Variants in PRRC2C observed in about 807,000 individuals in gnomAD.
PRRC2C encodes the protein protein PRRC2C.
A neutral mutation model predicts 317.2 loss-of-function variants in PRRC2C; 72 were observed. The ratio of observed to expected loss-of-function variants is 0.23; its 90% CI spans 0.19 to 0.28. The LOEUF is 0.28. Ranked by LOEUF, PRRC2C falls within the 10% of genes least tolerant of loss-of-function variation. The pLI, the probability that PRRC2C is intolerant of heterozygous loss-of-function variation, is 1.00. For synonymous variants in PRRC2C, 1,296 were observed against 1,205.9 expected, an observed-to-expected ratio of 1.07 and a Z score of -1.55; for missense variants, 3,074 against 3,459.7, an observed-to-expected ratio of 0.89 and a Z score of 2.80.
rs749958797 is a variant in PRRC2C at position 171,557,765 on chromosome 1, C to G, written c.5653C>G (p.Pro1885Ala). The G allele has an allele frequency of 6.4e-7, 1 of 1,550,970 alleles. No homozygotes were observed. ...AACGCCAGCCCCAGCAGCCTCTTCC[C>G]CAGCTGCCCCAGTCATCACAGCACC... Reference protein sequence around the residue: ...APTPAPAASSPAAPVITAPTI... With the variant: ...APTPAPAASSAAAPVITAPTI... The change falls in exon 19 of 35, where the codon CCA (proline) becomes GCA (alanine). Residue 1885 changes from proline to alanine, a missense_variant. By Grantham distance (27) the Pro-to-Ala change is conservative. This residue lies in a region of PRRC2C where 640 missense variants were observed against 676.1 expected (regional missense o/e 0.95). Coordinates refer to ENST00000647382, the MANE Select transcript of PRRC2C (RefSeq NM_001387844.1).
At chr1:171,524,532 G>A (rs1305596598) in intron 9 of PRRC2C, among the ~76,000 whole-genome samples, 2 of 152,022 alleles carry the variant, frequency 1.3e-5, no homozygotes, top group East Asian at 3.9e-4. Flanking sequence ...AGTTACATTT[G>A]GATTGTATTT....
At chr1:171,578,027 C>T (rs1259252450) in intron 26 of PRRC2C, among the ~76,000 whole-genome samples, 2 of 148,106 alleles carry the variant, frequency 1.4e-5, no homozygotes, top group Non-Finnish European at 3.0e-5. Flanking sequence ...AACTCCTGAG[C>T]TCAAGTGATC....
At chr1:171,491,525 A>G (rs544074784) in intron 1 of PRRC2C, among the ~76,000 whole-genome samples, 2 of 152,372 alleles carry the variant, frequency 1.3e-5, no homozygotes, top group South Asian at 4.1e-4. Flanking sequence ...TATGGAGAGC[A>G]ATGGATGCTC....
intron 11 of PRRC2C, among the ~76,000 whole-genome samples, chr1:171,529,192 G>A (rs866526445): frequency 6.6e-5 from 10 of 152,168 alleles, no homozygotes; most frequent in South Asian, 2.1e-4. Flanking sequence ...TCGAGTGTTG[G>A]AGCACTCAGC....
At chr1:171,588,688 A>G (rs1650622556) in intron 33 of PRRC2C, among the ~76,000 whole-genome samples, 183 bp downstream of exon 33, 1 of 152,220 alleles carries the variant, frequency 6.6e-6, no homozygotes, top group South Asian at 2.1e-4. Context: ...AGACATGGTA[A>G]TTGTTTAGTT....
At position 171,540,610 on chromosome 1, in the gene PRRC2C, A is replaced by C; in HGVS notation, c.3144A>C (p.Val1048=). 1 of 1,613,986 alleles carries C rather than the reference A, an allele frequency of 6.2e-7. No individual in the cohort carries two copies. The highest frequency in any genetic ancestry group is 1.1e-5 in the South Asian group (1 of 91,084). ...GEKAEKVTEK[V]VVKPEKTEKK... The stretch of plus-strand genomic sequence containing the variant: ...AGGCCGAAAAGGTCACTGAAAAAGT[A>C]GTTGTAAAGCCTGAAAAGACGGAAA... The change falls in exon 16 of 35, where the codon GTA becomes GTC. Residue 1048 remains valine, a synonymous_variant. Transcript: ENST00000647382.
intron 25 of PRRC2C, among the ~76,000 whole-genome samples, chr1:171,575,617 C>T (rs1685565060): frequency 1.3e-5 from 2 of 152,042 alleles, no homozygotes; most frequent in Admixed American, 6.6e-5. Flanking sequence ...CTTTGGTGCC[C>T]AAAGTTAGAA....
chr1:171,499,808 G>A lies in PRRC2C; in HGVS notation c.-57-12224G>A, dbSNP rs1027826016. On this transcript the variant is annotated intron_variant, in intron 1 of 34. Coordinates refer to ENST00000647382, the MANE Select transcript of PRRC2C (RefSeq NM_001387844.1). ...GACAAAGTGGGACTCAAAAAAAGAC[G>A]AAACAGAAAAGGGAGCAATGGCAAG... is the stretch of plus-strand genomic sequence containing the variant. Among the ~76,000 whole-genome samples, 6 of 152,182 alleles carry A rather than the reference G, an allele frequency of 3.9e-5. No individual in the cohort carries two copies. The East Asian group carries it at 5.8e-4, about 15-fold the overall frequency.
chr1:171,502,120 A>G (rs1422394329), intron 1 of PRRC2C, among the ~76,000 whole-genome samples: 2 of 152,210 alleles, frequency 1.3e-5, no homozygotes, highest in Admixed American at 1.3e-4. Flanking sequence ...ACTCAAGGAT[A>G]ACACTTCTAA....
intron 26 of PRRC2C, 28 bp downstream of exon 26, chr1:171,577,665 A>C (rs1647318235): frequency 1.1e-5 from 18 of 1,578,686 alleles, no homozygotes; most frequent in Non-Finnish European, 1.6e-5. Context: ...GAATATAAGG[A>C]ATTTAGAAAA....
chr1:171,521,625 A>G (rs755747791), intron 6 of PRRC2C, among the ~76,000 whole-genome samples: 12 of 151,872 alleles, frequency 7.9e-5, no homozygotes, highest in Non-Finnish European at 1.6e-4. Flanking sequence ...TGCCACCCCT[A>G]CATTTTTCTT....
chr1:171,506,343 C>T (rs1670215442), intron 1 of PRRC2C, among the ~76,000 whole-genome samples: 2 of 152,160 alleles, frequency 1.3e-5, no homozygotes, highest in East Asian at 1.9e-4. Flanking sequence ...GTATGTAAAG[C>T]AACATTTTCT....
At chr1:171,524,642 C>A (rs1387777551) in intron 9 of PRRC2C, among the ~76,000 whole-genome samples, 179 bp from the exon 10 acceptor site, 1 of 152,136 alleles carries the variant, frequency 6.6e-6, no homozygotes, top group Non-Finnish European at 1.5e-5. Flanking sequence ...ATTGCACTTT[C>A]ATAGTATATA....
At chr1:171,575,256 A>G in intron 25 of PRRC2C, 128 bp downstream of exon 25, 1 of 932,072 alleles carries the variant, frequency 1.1e-6, no homozygotes, top group Non-Finnish European at 1.6e-6. Flanking sequence ...CAGCCTCCCA[A>G]AGTGCTGGGA....
chr1:171,519,492 G>A (rs1447644589), intron 6 of PRRC2C, among the ~76,000 whole-genome samples: 1 of 152,072 alleles, frequency 6.6e-6, no homozygotes, highest in Non-Finnish European at 1.5e-5. Flanking sequence ...AACCTGTGAA[G>A]TTCCTCAGAT....
intron 1 of PRRC2C, among the ~76,000 whole-genome samples, chr1:171,508,169 C>T (rs1010656963): frequency 3.3e-5 from 5 of 152,114 alleles, no homozygotes; most frequent in Non-Finnish European, 7.3e-5. Context: ...GCTAGTCCTT[C>T]CAGCACTGTG....
chr1:171,587,277 A>G, intron 31 of PRRC2C, 56 bp downstream of exon 31: 1 of 1,451,868 alleles, frequency 6.9e-7, no homozygotes, highest in Non-Finnish European at 9.3e-7. Context: ...GTGTGTTCAG[A>G]TATATGCATC....
intron 11 of PRRC2C, among the ~76,000 whole-genome samples, chr1:171,528,482 G>T (rs1043391247): frequency 6.6e-6 from 1 of 151,136 alleles, no homozygotes; most frequent in Non-Finnish European, 1.5e-5. Flanking sequence ...TAGTAGAGAC[G>T]GGGTTTCACC....
Position 171,547,147 on chromosome 1 carries a change from A to G in PRRC2C, c.4972+1460A>G, listed in dbSNP as rs372549018. The stretch of plus-strand genomic sequence containing the variant: ...AAGACAGTAAAAACAGATAAAAACT[A>G]TATATATTTCTGAAGTGGTGATAGA... On this transcript the variant is annotated intron_variant, in intron 17 of 34. Transcript: ENST00000647382. Among the ~76,000 whole-genome samples the G allele has an allele frequency of 1.1e-4, 17 of 152,300 alleles. 1 individual carries two copies. In the South Asian group the frequency reaches 1.2e-3, roughly 11 times the overall value.
Sources: allele counts gnomAD v4.1 joint callset (sites outside exome capture counted in the v4.1 genomes callset), GRCh38; gene constraint gnomAD v4.1.1; regional missense constraint gnomAD v4.1.1; transcripts MANE v1.5; gene names NCBI Gene and HGNC (gene_info 2026-07-23, HGNC 2026-07-21).